NUP155: variants seen among roughly 807,000 people sequenced by gnomAD.
NUP155 encodes nucleoporin 155.
NUP155 carries 71 observed loss-of-function variants against 180.4 expected under a neutral mutation model. The observed-to-expected ratio is 0.39, with a 90% CI of 0.33 to 0.48. NUP155 has a LOEUF of 0.48. Among genes scored for constraint, NUP155 ranks in the 20% least tolerant of loss-of-function variants. The probability of loss-of-function intolerance (pLI) is 0.91; values close to 1 mark genes in which losing one functional copy is unlikely to be tolerated. For synonymous variants in NUP155, 582 were observed against 559.5 expected, an observed-to-expected ratio of 1.04 and a Z score of -0.57; for missense variants, 1,553 against 1,648.9, an observed-to-expected ratio of 0.94 and a Z score of 1.01.
intron 22 of NUP155, among the ~76,000 whole-genome samples, chr5:37,311,945 C>A (rs956589289): frequency 6.6e-6 from 1 of 152,050 alleles, no homozygotes; most frequent in Non-Finnish European, 1.5e-5. Context: ...TGCTTGTACC[C>A]GGGAGGTGGA....
At position 37,289,421 on chromosome 5, in the gene NUP155, A is replaced by G. The variant is rs570009126; in HGVS notation, c.*2479T>C. ...CACTGACTGCCAGGATCAGCATGAC[A>G]CTACAGATGGAACTCAAGAATCTGT... On this transcript the variant is annotated 3_prime_UTR_variant, in exon 35 of 35. Transcript: ENST00000231498. 6 of 152,394 alleles carry G rather than the reference A, an allele frequency of 3.9e-5. No individual in the cohort carries two copies. The highest frequency in any genetic ancestry group is 2.6e-4 in the Admixed American group (4 of 15,308). 9.4% of individuals were successfully genotyped at this position (152,394 alleles called of 1,614,324 possible).
chr5:37,327,242 A>T (rs1413310972), intron 18 of NUP155: 1 of 278,280 alleles, frequency 3.6e-6, no homozygotes, highest in Non-Finnish European at 6.9e-6. Context: ...CACAAAAAAC[A>T]TACAAAACGT....
intron 20 of NUP155, 91 bp downstream of exon 20, chr5:37,323,901 T>A (rs1744410538): frequency 1.1e-6 from 1 of 886,206 alleles, no homozygotes; most frequent in African/African-American, 1.7e-5. Flanking sequence ...CTGCACACTT[T>A]AAAAGGACCA....
At position 37,310,773 on chromosome 5, in the gene NUP155, T is replaced by C. The variant is rs776839560; in HGVS notation, c.2437-30A>G. 4.7e-6 allele frequency: 7 copies of C among 1,486,036 alleles called. No homozygotes were observed. In the South Asian group the frequency reaches 6.9e-5, roughly 15 times the overall value. 92.1% of individuals were successfully genotyped at this position (1,486,036 alleles called of 1,614,324 possible). A position where few individuals can be genotyped will look rare whatever the true frequency, so the allele number is the denominator to read the frequency against. On this transcript the variant is annotated intron_variant, in intron 22 of 34. Coordinates refer to ENST00000231498, the MANE Select transcript of NUP155 (RefSeq NM_153485.3). ...GAGCATAAAACTTTTCTATCACAAT[T>C]ATAGAAATACCATATTTCTAAACAT...
intron 30 of NUP155, 91 bp from the exon 31 acceptor site, chr5:37,299,659 CAA>C (rs1742760736): frequency 7.8e-7 from 1 of 1,288,220 alleles, no homozygotes; most frequent in Admixed American, 1.8e-5. Context: ...AAAAAATAAC[CAA>C]AGATTTTACA....
At chr5:37,334,416 T>C (rs1166679960) in intron 12 of NUP155, among the ~76,000 whole-genome samples, 1 of 151,394 alleles carries the variant, frequency 6.6e-6, no homozygotes, top group Non-Finnish European at 1.5e-5. Flanking sequence ...AGTCTCACCC[T>C]GTTGCCAAGG....
intron 1 of NUP155, among the ~76,000 whole-genome samples, chr5:37,370,094 G>C (rs148599938): frequency 1.2e-4 from 19 of 152,308 alleles, no homozygotes; most frequent in African/African-American, 4.6e-4. Context: ...TTCTTGGCCG[G>C]GTGCAGTGGC....
intron 20 of NUP155, among the ~76,000 whole-genome samples, chr5:37,321,383 T>C (rs1744233796): frequency 6.6e-6 from 1 of 150,718 alleles, no homozygotes; most frequent in African/African-American, 2.4e-5. Context: ...CACATTTAAC[T>C]AATTCCAATA....
chr5:37,303,248 A>T lies in NUP155; in HGVS notation c.3317+12T>A. On this transcript the variant is annotated intron_variant, in intron 28 of 34. Coordinates refer to ENST00000231498, the MANE Select transcript of NUP155 (RefSeq NM_153485.3). ...TTGAATCATTCTTCACAATAAGAAT[A>T]TTATGCCATACCTATGCATGTCAGC... The T allele has an allele frequency of 6.2e-7, 1 of 1,613,732 alleles. No individual in the cohort carries two copies. Among genetic ancestry groups the T allele is most frequent in the Non-Finnish European group, 8.5e-7 (1 of 1,179,640 alleles).
chr5:37,341,447 C>T (rs1370678130), intron 10 of NUP155, among the ~76,000 whole-genome samples: 4 of 152,304 alleles, frequency 2.6e-5, no homozygotes, highest in African/African-American at 7.2e-5. Context: ...CTGCAACCTC[C>T]GCCTCCCGGG....
At chr5:37,318,211 A>T in intron 20 of NUP155, 126 bp from the exon 21 acceptor site, 1 of 705,532 alleles carries the variant, frequency 1.4e-6, no homozygotes, top group Admixed American at 2.0e-5. Context: ...GGCAACCAAC[A>T]CCAGAAGGGC....
chr5:37,358,117 TCTCA>T lies in NUP155; in HGVS notation c.423_426del (p.Ser141ArgfsTer9), dbSNP rs1404089615. Reference sequence around the variant, plus strand: ...TTCACAAGCCCCACAGCAAGAATAGTCTCACTAAGTCCATCAAAATAGGCAAGGT... The same window carrying T: ...TTCACAAGCCCCACAGCAAGAATAGTCTAAGTCCATCAAAATAGGCAAGGT... On this transcript the variant is annotated frameshift_variant, in exon 4 of 35. Transcript: ENST00000231498. LOFTEE classifies it high-confidence loss of function. 1 of 1,613,282 alleles carries T rather than the reference TCTCA, an allele frequency of 6.2e-7. No homozygotes were observed. The highest frequency in any genetic ancestry group is 1.3e-5 in the African/African-American group (1 of 74,926).
rs1434545330 is a variant in NUP155, at chr5:37,371,006, A to C, written c.-29T>G. On this transcript the variant is annotated 5_prime_UTR_variant, in exon 1 of 35. Coordinates refer to ENST00000231498, the MANE Select transcript of NUP155 (RefSeq NM_153485.3). ...GGAAATCGTAGACACCAGGGTCCAG[A>C]AAAAGTCAAAAACCAAGGAGAAACA... is the stretch of plus-strand genomic sequence containing the variant. 6.2e-7 allele frequency: 1 copy of C among 1,609,702 alleles called. No individual in the cohort carries two copies. The highest frequency in any genetic ancestry group is 8.5e-7 in the Non-Finnish European group (1 of 1,177,312).
rs1321983139 is a variant in NUP155, at chr5:37,337,168, T to C, written c.1347+650A>G. Among the ~76,000 whole-genome samples, 4 of 152,138 alleles carry C rather than the reference T, an allele frequency of 2.6e-5. 1 individual carries two copies. Among genetic ancestry groups the C allele is most frequent in the South Asian group, 2.1e-4 (1 of 4,828 alleles). ...GGGGCAGGGGCAGTTCGTGGGTTCA[T>C]AGCAGCCTCGGTCCTCACCCAGGAA... On this transcript the variant is annotated intron_variant, in intron 12 of 34. Coordinates refer to ENST00000231498, the MANE Select transcript of NUP155 (RefSeq NM_153485.3).
intron 29 of NUP155, 39 bp from the exon 30 acceptor site, chr5:37,301,589 T>A: frequency 3.3e-6 from 4 of 1,199,316 alleles, no homozygotes; most frequent in Non-Finnish European, 5.0e-6. Flanking sequence ...AATTTATTTA[T>A]GATAAATCAA....
chr5:37,367,375 C>T (rs555253704), intron 1 of NUP155, among the ~76,000 whole-genome samples: 3 of 151,940 alleles, frequency 2.0e-5, no homozygotes, highest in Admixed American at 6.6e-5. Flanking sequence ...CCACCACACC[C>T]GGCTAATTTT....
rs531206047 is a variant in NUP155 at position 37,366,541 on chromosome 5, G to A, written c.158-2157C>T. ...GCAACCTCCAATTCCCTGGTTCAAGGGATTCTCCTGCCTCAGACTCCCGGG... is the reference window on the plus strand; with the variant it reads ...GCAACCTCCAATTCCCTGGTTCAAGAGATTCTCCTGCCTCAGACTCCCGGG... On this transcript the variant is annotated intron_variant, in intron 1 of 34. Transcript: ENST00000231498. Among the ~76,000 whole-genome samples, 5 of 152,120 alleles carry A rather than the reference G, an allele frequency of 3.3e-5. No homozygotes were observed. In the East Asian group the frequency reaches 9.7e-4, roughly 29 times the overall value.
intron 20 of NUP155, among the ~76,000 whole-genome samples, chr5:37,322,009 C>T (rs963654157): frequency 1.3e-5 from 2 of 151,914 alleles, no homozygotes; most frequent in Non-Finnish European, 2.9e-5. Flanking sequence ...GCATGTGCCA[C>T]CACACCTGGC....
At chr5:37,301,373 TA>T in intron 30 of NUP155, 63 bp downstream of exon 30, 3 of 1,163,940 alleles carry the variant, frequency 2.6e-6, no homozygotes, top group Non-Finnish European at 3.8e-6. Context: ...AAAAGCAAAA[TA>T]AAAAACAAAA....
Sources: gnomAD v4.1 joint callset for allele counts (sites outside exome capture counted in the v4.1 genomes callset) on GRCh38, gnomAD v4.1.1 for gene constraint, MANE v1.5 for transcripts, NCBI Gene and HGNC (gene_info 2026-07-23, HGNC 2026-07-21) for gene names.